NRXN3: variants seen among roughly 807,000 people sequenced by gnomAD.
NRXN3 encodes neurexin III.
Under a neutral mutation model 137.6 loss-of-function variants are expected in NRXN3, and 32 were observed. That is an observed-to-expected ratio of 0.23 (90% CI 0.18 to 0.31). NRXN3 has a LOEUF of 0.31. Among genes scored for constraint, NRXN3 ranks in the 10% least tolerant of loss-of-function variants. The pLI is 1.00. For synonymous variants in NRXN3, 798 were observed against 784.5 expected (o/e 1.02, Z -0.29); for missense variants, 1,574 against 2,062.5 (o/e 0.76, Z 4.59).
chr14:79,143,381 A>G (rs1402703189), intron 15 of NRXN3, among the ~76,000 whole-genome samples: 1 of 152,204 alleles, frequency 6.6e-6, no homozygotes, highest in Non-Finnish European at 1.5e-5. Flanking sequence ...AGAGAGAAAA[A>G]GAAAGTCAGT....
chr14:79,127,257 A>G (rs1343563480), intron 15 of NRXN3, among the ~76,000 whole-genome samples: 1 of 152,160 alleles, frequency 6.6e-6, no homozygotes. Context: ...ACCCATGCCT[A>G]TGTCCTGAAT....
At chr14:78,230,687 T>G (rs60261600) in intron 1 of NRXN3, among the ~76,000 whole-genome samples, 21,705 of 152,028 alleles carry the variant, frequency 0.14, 1,593 homozygotes, top group East Asian at 0.16. Flanking sequence ...GCTGCACTTA[T>G]TGAGTTCTGA....
chr14:79,393,302 G>T (rs1247539968), intron 15 of NRXN3, among the ~76,000 whole-genome samples: 2 of 152,142 alleles, frequency 1.3e-5, no homozygotes, highest in Non-Finnish European at 2.9e-5. Context: ...AAGGAGAAGG[G>T]CAAGAAATCT....
intron 15 of NRXN3, among the ~76,000 whole-genome samples, chr14:79,288,101 T>C (rs1299707403): frequency 6.6e-6 from 1 of 152,214 alleles, no homozygotes; most frequent in South Asian, 2.1e-4. Flanking sequence ...TCTATTTTCT[T>C]GACTATCATA....
In NRXN3 at chr14:78,943,622, ATATATATAT is replaced by A. The variant is rs1156267482; in HGVS notation, c.2276-13619_2276-13611del. ...GCAAGATCACTGTTAAAAAAAAAAAATATATATATATATATATATATATATATATATATA... is the reference window on the plus strand; with the variant it reads ...GCAAGATCACTGTTAAAAAAAAAAAAATATATATATATATATATATATATA... On this transcript the variant is annotated intron_variant, in intron 10 of 20. Transcript: ENST00000335750. Among the ~76,000 whole-genome samples, 184 of 24,274 alleles carry A rather than the reference ATATATATAT, an allele frequency of 7.6e-3. 15 individuals are homozygous for A. Among genetic ancestry groups the A allele is most frequent in the Non-Finnish European group, 0.013 (133 of 10,588 alleles). 15.9% of individuals were successfully genotyped at this position (24,274 alleles called of 152,430 possible).
chr14:78,954,434 G>A (rs769596711), intron 10 of NRXN3, among the ~76,000 whole-genome samples: 3 of 152,006 alleles, frequency 2.0e-5, no homozygotes, highest in Non-Finnish European at 4.4e-5. Context: ...GGTATCAAAT[G>A]TAACTAAATA....
At chr14:79,344,586 A>G (rs1347275020) in intron 15 of NRXN3, among the ~76,000 whole-genome samples, 1 of 152,204 alleles carries the variant, frequency 6.6e-6, no homozygotes, top group African/African-American at 2.4e-5. Flanking sequence ...TGCCATGGTT[A>G]TAGATCTGAA....
rs191272627 is a variant in NRXN3, at chr14:78,357,202, G to A, written c.757+59342G>A. 2.6e-5 allele frequency among the ~76,000 whole-genome samples: 4 copies of A among 152,336 alleles called. No individual in the cohort carries two copies. The East Asian group carries it at 7.7e-4, about 29-fold the overall frequency. On this transcript the variant is annotated intron_variant, in intron 4 of 20. Transcript: ENST00000335750. ...GTGGCTAAGGAAGCCTCACAATCAT[G>A]GGGGAAGACAAGGAGGAGCAAGTCA...
intron 15 of NRXN3, among the ~76,000 whole-genome samples, chr14:79,031,139 T>A (rs1382129112): frequency 1.3e-5 from 2 of 152,158 alleles, no homozygotes; most frequent in African/African-American, 4.8e-5. Context: ...AACCTTTTAC[T>A]TCTGTTGAAT....
chr14:79,490,530 T>G (rs1351092959), intron 16 of NRXN3, among the ~76,000 whole-genome samples: 1 of 152,114 alleles, frequency 6.6e-6, no homozygotes, highest in Non-Finnish European at 1.5e-5. Context: ...TGGCTGGAAC[T>G]AGAGAACATT....
chr14:79,833,829 T>C lies in NRXN3; in HGVS notation c.4094-27513T>C, dbSNP rs543587744. On this transcript the variant is annotated intron_variant, in intron 20 of 20. Coordinates refer to ENST00000335750, the MANE Select transcript of NRXN3 (RefSeq NM_001330195.2). ...TTGGTAGCTCAGCCATATAGCTAAA[T>C]TGAATAATTATGCAAATGCTGCACA... 3.3e-5 allele frequency among the ~76,000 whole-genome samples: 5 copies of C among 152,292 alleles called. No individual in the cohort carries two copies. The South Asian group carries it at 1.0e-3, about 32-fold the overall frequency.
chr14:79,339,464 T>A (rs1173034537), intron 15 of NRXN3, among the ~76,000 whole-genome samples: 1 of 152,216 alleles, frequency 6.6e-6, no homozygotes, highest in Non-Finnish European at 1.5e-5. Context: ...CTGATGCTGC[T>A]AGCCAAGGAA....
At chr14:79,411,263 G>A (rs984718619) in intron 15 of NRXN3, among the ~76,000 whole-genome samples, 29 of 152,170 alleles carry the variant, frequency 1.9e-4, no homozygotes, top group African/African-American at 7.0e-4. Context: ...GTTTTCTTGA[G>A]AAATTAGAAA....
At chr14:79,238,603 A>T (rs1346961128) in intron 15 of NRXN3, among the ~76,000 whole-genome samples, 1 of 152,176 alleles carries the variant, frequency 6.6e-6, no homozygotes, top group Non-Finnish European at 1.5e-5. Context: ...TGTAAATATT[A>T]CTATATTACT....
At chr14:78,294,158 A>C (rs973802300) in intron 3 of NRXN3, among the ~76,000 whole-genome samples, 1 of 152,178 alleles carries the variant, frequency 6.6e-6, no homozygotes, top group Non-Finnish European at 1.5e-5. Flanking sequence ...CATCAAACAC[A>C]CACTGAACAC....
chr14:79,103,121 C>T (rs1278678813), intron 15 of NRXN3, among the ~76,000 whole-genome samples: 1 of 152,118 alleles, frequency 6.6e-6, no homozygotes, highest in African/African-American at 2.4e-5. Flanking sequence ...CTCTGTACAC[C>T]TTGCTGCAAA....
intron 15 of NRXN3, among the ~76,000 whole-genome samples, chr14:79,047,556 T>C (rs1307924790): frequency 6.6e-6 from 1 of 152,074 alleles, no homozygotes; most frequent in East Asian, 1.9e-4. Context: ...TCAGGATATA[T>C]ATCTAAAAAA....
intron 15 of NRXN3, among the ~76,000 whole-genome samples, chr14:79,181,675 C>T (rs1313456926): frequency 1.6e-5 from 2 of 127,946 alleles, no homozygotes; most frequent in Admixed American, 1.6e-4. Context: ...GAGTGTGACC[C>T]TGTCTCAAAA....
At chr14:79,316,935 A>G (rs946968989) in intron 15 of NRXN3, among the ~76,000 whole-genome samples, 1 of 152,166 alleles carries the variant, frequency 6.6e-6, no homozygotes, top group African/African-American at 2.4e-5. Flanking sequence ...AGTCTGAAAT[A>G]AAAGTGTTGG....
Sources: gnomAD v4.1 joint callset for allele counts (sites outside exome capture counted in the v4.1 genomes callset) on GRCh38, gnomAD v4.1.1 for gene constraint, MANE v1.5 for transcripts, NCBI Gene and HGNC (gene_info 2026-07-23, HGNC 2026-07-21) for gene names.